The following CATSPERB variants were observed in gnomAD, a reference collection of about 807,000 sequenced individuals.
CATSPERB encodes cation channel sperm-associated auxiliary subunit beta.
A neutral mutation model predicts 128.3 loss-of-function variants in CATSPERB; 93 were observed. The ratio of observed to expected loss-of-function variants is 0.72; its 90% CI spans 0.61 to 0.86. The LOEUF is 0.86. Among genes scored for constraint, CATSPERB ranks in the 40% least tolerant of loss-of-function variants. The pLI is 0.00. For synonymous variants in CATSPERB, 381 were observed against 448.8 expected (o/e 0.85, Z 1.91); for missense variants, 1,153 against 1,329.5 (o/e 0.87, Z 2.06).
intron 22 of CATSPERB, chr14:91,604,795 G>C: frequency 6.2e-7 from 1 of 1,608,690 alleles, no homozygotes; most frequent in South Asian, 1.1e-5. Context: ...AGTAGAGGCT[G>C]GGGTAGGTAG....
intron 20 of CATSPERB, among the ~76,000 whole-genome samples, chr14:91,613,595 T>C (rs957040955): frequency 1.3e-5 from 2 of 152,308 alleles, no homozygotes; most frequent in Non-Finnish European, 1.5e-5. Flanking sequence ...TTGGAGATGC[T>C]GCCCACTGAT....
chr14:91,591,716 T>G (rs571303687), intron 23 of CATSPERB, among the ~76,000 whole-genome samples, 176 bp downstream of exon 23: 1 of 152,262 alleles, frequency 6.6e-6, no homozygotes, highest in South Asian at 2.1e-4. Flanking sequence ...ATGAGGTTCA[T>G]TAACTTGCAA....
At chr14:91,703,171 G>A (rs112436329) in intron 7 of CATSPERB, among the ~76,000 whole-genome samples, 1,677 of 151,940 alleles carry the variant, frequency 0.011, 33 homozygotes, top group African/African-American at 0.038. Flanking sequence ...TATATTCACT[G>A]AATTTGGGGT....
intron 11 of CATSPERB, among the ~76,000 whole-genome samples, chr14:91,677,814 T>A (rs960821102): frequency 6.6e-6 from 1 of 152,158 alleles, no homozygotes; most frequent in Admixed American, 6.6e-5. Context: ...AGCAAAGACA[T>A]GCAACCAACC....
At chr14:91,708,070 C>T in intron 6 of CATSPERB, 71 bp downstream of exon 6, 1 of 965,264 alleles carries the variant, frequency 1.0e-6, no homozygotes, top group South Asian at 1.3e-5. Context: ...CAGAATCTGG[C>T]ATATAGCGGA....
At chr14:91,703,445 T>C (rs1895684276) in intron 7 of CATSPERB, among the ~76,000 whole-genome samples, 1 of 152,120 alleles carries the variant, frequency 6.6e-6, no homozygotes, top group South Asian at 2.1e-4. Flanking sequence ...GGTGATGGGA[T>C]TGTCTTTTGT....
chr14:91,603,562 C>A, intron 22 of CATSPERB: 1 of 690,682 alleles, frequency 1.4e-6, no homozygotes. Flanking sequence ...CGCTCTAGAG[C>A]CTGAGAAGCG....
chr14:91,692,806 T>C (rs1895494119), intron 9 of CATSPERB, among the ~76,000 whole-genome samples: 1 of 152,228 alleles, frequency 6.6e-6, no homozygotes, highest in Non-Finnish European at 1.5e-5. Flanking sequence ...CTTTATAAAT[T>C]ACCTTAAAGC....
At chr14:91,682,005 A>G (rs1279738107) in intron 11 of CATSPERB, among the ~76,000 whole-genome samples, 4 of 152,224 alleles carry the variant, frequency 2.6e-5, no homozygotes, top group African/African-American at 9.6e-5. Flanking sequence ...TGAATACATT[A>G]TTTATCTCTG....
At chr14:91,621,449 T>C (rs747177917) in intron 19 of CATSPERB, among the ~76,000 whole-genome samples, 159 bp downstream of exon 19, 6 of 152,152 alleles carry the variant, frequency 3.9e-5, no homozygotes, top group Non-Finnish European at 8.8e-5. Context: ...GCCCAGTACA[T>C]AGTAAGTACT....
At chr14:91,621,422 T>C (rs778151427) in intron 19 of CATSPERB, among the ~76,000 whole-genome samples, 186 bp downstream of exon 19, 6 of 151,914 alleles carry the variant, frequency 3.9e-5, no homozygotes, top group Non-Finnish European at 8.8e-5. Context: ...ATAAATAAAA[T>C]AATAGTTTAA....
At chr14:91,660,112 TCTCTCA>T (rs200431786) in intron 14 of CATSPERB, 131 bp from the exon 15 acceptor site, 101,487 of 572,658 alleles carry the variant, frequency 0.18, 4,608 homozygotes, top group African/African-American at 0.26. Flanking sequence ...TCTCTCTCTC[TCTCTCA>T]CACACACACA....
At chr14:91,727,794 G>A (rs1391203333) in intron 2 of CATSPERB, among the ~76,000 whole-genome samples, 1 of 151,268 alleles carries the variant, frequency 6.6e-6, no homozygotes. Flanking sequence ...AGGCTCAAAT[G>A]GGTTGAGCTG....
At chr14:91,706,446 A>C (rs183591590) in intron 6 of CATSPERB, among the ~76,000 whole-genome samples, 1 of 152,334 alleles carries the variant, frequency 6.6e-6, no homozygotes, top group African/African-American at 2.4e-5. Context: ...CAGGTAGTAT[A>C]TCTTAAGCAT....
intron 17 of CATSPERB, among the ~76,000 whole-genome samples, chr14:91,629,367 G>A (rs1036140463): frequency 3.3e-5 from 5 of 152,094 alleles, no homozygotes; most frequent in Non-Finnish European, 7.4e-5. Context: ...GGGGTGAGGG[G>A]AAGAGAGAGT....
chr14:91,630,094 A>C (rs146127722), intron 17 of CATSPERB, among the ~76,000 whole-genome samples: 9 of 152,200 alleles, frequency 5.9e-5, no homozygotes, highest in Non-Finnish European at 1.3e-4. Flanking sequence ...AATGGTGCCA[A>C]ATTCAAAGGT....
At chr14:91,673,881 CA>C (rs139506642) in intron 12 of CATSPERB, among the ~76,000 whole-genome samples, 54,091 of 136,156 alleles carry the variant, frequency 0.4, 9,767 homozygotes, top group Middle Eastern at 0.58. Flanking sequence ...GACTCTGTCT[CA>C]AAAAAAAAAA....
intron 15 of CATSPERB, among the ~76,000 whole-genome samples, chr14:91,659,423 G>A (rs931203509): frequency 6.6e-6 from 1 of 152,076 alleles, no homozygotes; most frequent in African/African-American, 2.4e-5. Flanking sequence ...AGAGATGAGA[G>A]CAGTGTATCA....
chr14:91,680,570 C>A (rs998256389), intron 11 of CATSPERB, among the ~76,000 whole-genome samples: 2 of 151,966 alleles, frequency 1.3e-5, no homozygotes, highest in African/African-American at 4.8e-5. Context: ...GAGTGCCTGC[C>A]CACCTCCATT....
Sources: gnomAD v4.1 joint callset for allele counts (sites outside exome capture counted in the v4.1 genomes callset) on GRCh38, gnomAD v4.1.1 for gene constraint, MANE v1.5 for transcripts, NCBI Gene and HGNC (gene_info 2026-07-23, HGNC 2026-07-21) for gene names.